Variants in VDAC1 observed in about 807,000 individuals in gnomAD.
The protein encoded by VDAC1 is voltage dependent anion channel 1.
In VDAC1, 10 loss-of-function variants were observed where a neutral mutation model predicts 34.7. The ratio of observed to expected loss-of-function variants is 0.29; its 90% CI spans 0.18 to 0.49. The LOEUF (loss-of-function observed/expected upper bound fraction) is 0.49, where lower values mean the gene tolerates loss of function less well. VDAC1 is among the 20% of genes least tolerant of loss of function. VDAC1 has a pLI of 0.99. For missense variants in VDAC1, 230 were observed against 347.9 expected (o/e 0.66, Z 2.69); for synonymous variants, 130 against 136.0 (o/e 0.96, Z 0.30).
At chr5:134,022,334 A>G in the VDAC1 span, among the ~76,000 whole-genome samples, 1 of 152,226 alleles carries the variant, frequency 6.6e-6, no homozygotes, top group African/African-American at 2.4e-5. Flanking sequence ...AATACCACAG[A>G]CTGGGTAATT....
At chr5:133,995,556 G>A (rs1753267148) in intron 1 of VDAC1, among the ~76,000 whole-genome samples, 1 of 152,054 alleles carries the variant, frequency 6.6e-6, no homozygotes, top group Non-Finnish European at 1.5e-5. Flanking sequence ...TGACACCACC[G>A]AGGACAGCAA....
Position 133,990,995 on chromosome 5 carries a change from C to T in VDAC1, c.270+7G>A, listed in dbSNP as rs570000680. On this transcript the variant is annotated splice_region_variant and intron_variant, in intron 4 of 8. Coordinates refer to ENST00000265333, the MANE Select transcript of VDAC1 (RefSeq NM_003374.3). ...ATAAATCCACATCTTTTCACAGCAG[C>T]CATTACCTGATCTTCCACAGTAATC... is the stretch of plus-strand genomic sequence containing the variant. 7 of 1,613,880 alleles carry T rather than the reference C, an allele frequency of 4.3e-6. No individual in the cohort carries two copies. The South Asian group carries it at 7.7e-5, about 18-fold the overall frequency.
chr5:133,982,658 G>A (rs1307327141), intron 5 of VDAC1, among the ~76,000 whole-genome samples: 1 of 152,198 alleles, frequency 6.6e-6, no homozygotes, highest in African/African-American at 2.4e-5. Flanking sequence ...GGGAGGCCGA[G>A]GTGGGTGGAT....
At chr5:134,074,334 A>G in the VDAC1 span, among the ~76,000 whole-genome samples, 1 of 151,376 alleles carries the variant, frequency 6.6e-6, no homozygotes, top group South Asian at 2.1e-4. Context: ...ATAAATAAAT[A>G]AATAAATAAA....
At chr5:134,089,658 TGTGGCTCATGGCCGGGTGTG>T in the VDAC1 span, among the ~76,000 whole-genome samples, 963 of 151,434 alleles carry the variant, frequency 6.4e-3, 5 homozygotes, top group South Asian at 0.022. Flanking sequence ...CCTTTGAAAA[TGTGGCTCATGGCCGGGTGTG>T]GTGGCTCATG....
chr5:134,055,416 T>TGTTG, the VDAC1 span, among the ~76,000 whole-genome samples: 5 of 151,846 alleles, frequency 3.3e-5, no homozygotes, highest in African/African-American at 1.2e-4. Context: ...TTATTTTGTT[T>TGTTG]GTTTGTTTGT....
At chr5:133,999,138 C>T (rs892452353) in intron 1 of VDAC1, among the ~76,000 whole-genome samples, 8 of 152,160 alleles carry the variant, frequency 5.3e-5, no homozygotes, top group African/African-American at 1.9e-4. Flanking sequence ...CAGTGAGACC[C>T]TGTCTCTTTT....
chr5:134,006,651 G>C (rs1324059004), upstream of VDAC1, among the ~76,000 whole-genome samples: 1 of 150,336 alleles, frequency 6.7e-6, no homozygotes, highest in Non-Finnish European at 1.5e-5. Flanking sequence ...GCTGAGGCAC[G>C]AGAATCGCTT....
chr5:134,027,106 A>G, the VDAC1 span, among the ~76,000 whole-genome samples: 1 of 152,210 alleles, frequency 6.6e-6, no homozygotes, highest in African/African-American at 2.4e-5. Flanking sequence ...AGCATCTTAC[A>G]CAGGACAGGC....
At chr5:134,001,694 G>A (rs1440605526) in intron 1 of VDAC1, among the ~76,000 whole-genome samples, 1 of 142,668 alleles carries the variant, frequency 7.0e-6, no homozygotes, top group East Asian at 2.0e-4. Context: ...TCCAGCCTGG[G>A]CAACAGAGTG....
chr5:133,979,499 G>C (rs375576369), intron 6 of VDAC1, among the ~76,000 whole-genome samples: 1 of 122,068 alleles, frequency 8.2e-6, no homozygotes, highest in Non-Finnish European at 1.6e-5. Flanking sequence ...GCGTGATCTC[G>C]GCTCATTGCA....
intron 1 of VDAC1, among the ~76,000 whole-genome samples, chr5:133,994,801 G>A (rs1308088886): frequency 2.0e-5 from 3 of 152,088 alleles, no homozygotes; most frequent in Non-Finnish European, 4.4e-5. Context: ...CCTCTTCAGT[G>A]CTATGCCTCC....
chr5:134,073,920 C>T, the VDAC1 span, among the ~76,000 whole-genome samples: 5 of 152,002 alleles, frequency 3.3e-5, no homozygotes, highest in South Asian at 1.0e-3. Context: ...AACCAATAAC[C>T]CTAAGTGGGG....
the VDAC1 span, among the ~76,000 whole-genome samples, chr5:134,082,908 T>C: frequency 2.0e-4 from 30 of 152,254 alleles, no homozygotes; most frequent in East Asian, 3.9e-3. Context: ...CATCTATATA[T>C]ATAAAAACTT....
the VDAC1 span, among the ~76,000 whole-genome samples, chr5:134,046,765 T>TG: frequency 6.6e-6 from 1 of 152,006 alleles, no homozygotes. Flanking sequence ...CTAAAAAATG[T>TG]TGTACACAGA....
rs1752329095 is a variant in VDAC1 at position 133,972,391 on chromosome 5, C to T, written c.*380G>A. On this transcript the variant is annotated 3_prime_UTR_variant, in exon 9 of 9. Coordinates refer to ENST00000265333, the MANE Select transcript of VDAC1 (RefSeq NM_003374.3). ...GTACACACCATCAAGCAGCGAGCCTCTCATCAATTAGGGTTAGGGAACCAA... is the reference window on the plus strand; with the variant it reads ...GTACACACCATCAAGCAGCGAGCCTTTCATCAATTAGGGTTAGGGAACCAA... The T allele has an allele frequency of 2.4e-6, 1 of 408,268 alleles. No homozygotes were observed. The highest frequency in any genetic ancestry group is 9.3e-5 in the South Asian group (1 of 10,764). 25.3% of individuals were successfully genotyped at this position (408,268 alleles called of 1,614,324 possible). A position where few individuals can be genotyped will look rare whatever the true frequency, so the allele number is the denominator to read the frequency against.
the VDAC1 span, among the ~76,000 whole-genome samples, chr5:134,054,286 G>T: frequency 6.6e-6 from 1 of 152,138 alleles, no homozygotes; most frequent in Non-Finnish European, 1.5e-5. Flanking sequence ...GGAACTGGAT[G>T]AATCTCCAGC....
At chr5:134,051,102 G>A in the VDAC1 span, among the ~76,000 whole-genome samples, 1 of 152,254 alleles carries the variant, frequency 6.6e-6, no homozygotes, top group East Asian at 1.9e-4. Context: ...GCTAGAGGAG[G>A]ACAGAGCACC....
chr5:134,050,494 G>A, the VDAC1 span, among the ~76,000 whole-genome samples: 12 of 151,718 alleles, frequency 7.9e-5, no homozygotes, highest in East Asian at 2.3e-3. Flanking sequence ...CTGGGCAGGG[G>A]GAGAGATGAA....
Sources: gnomAD v4.1 joint callset for allele counts (sites outside exome capture counted in the v4.1 genomes callset) on GRCh38, gnomAD v4.1.1 for gene constraint, MANE v1.5 for transcripts, NCBI Gene and HGNC (gene_info 2026-07-23, HGNC 2026-07-21) for gene names.